MAGI2: variants seen among roughly 807,000 people sequenced by gnomAD.
MAGI2 encodes membrane-associated guanylate kinase, WW and PDZ domain-containing protein 2.
Under a neutral mutation model 133.3 loss-of-function variants are expected in MAGI2, and 35 were observed. That is an observed-to-expected ratio of 0.26 (90% CI 0.20 to 0.35). MAGI2 has a LOEUF of 0.35. Ranked by LOEUF, MAGI2 falls within the 10% of genes least tolerant of loss-of-function variation. The probability of loss-of-function intolerance (pLI) is 1.00; values close to 1 mark genes in which losing one functional copy is unlikely to be tolerated. For missense variants in MAGI2, 1,636 were observed against 1,863.4 expected (o/e 0.88, Z 2.25); for synonymous variants, 729 against 710.6 (o/e 1.03, Z -0.41).
intron 15 of MAGI2, among the ~76,000 whole-genome samples, chr7:78,161,845 T>C (rs2150616619): frequency 6.6e-6 from 1 of 152,302 alleles, no homozygotes; most frequent in Non-Finnish European, 1.5e-5. Flanking sequence ...ATCTAATTAA[T>C]CACGTTTAAA....
chr7:78,980,720 T>C (rs1007347730), intron 2 of MAGI2, among the ~76,000 whole-genome samples: 2 of 151,938 alleles, frequency 1.3e-5, no homozygotes, highest in African/African-American at 4.8e-5. Flanking sequence ...CTCACATATC[T>C]TGCAAACCAC....
intron 3 of MAGI2, among the ~76,000 whole-genome samples, chr7:78,569,733 G>C (rs2150763731): frequency 6.6e-6 from 1 of 152,024 alleles, no homozygotes; most frequent in East Asian, 1.9e-4. Flanking sequence ...TTTCACAAAG[G>C]AAACACCCAC....
intron 2 of MAGI2, among the ~76,000 whole-genome samples, chr7:78,961,625 G>A (rs1584511316): frequency 6.6e-6 from 1 of 152,168 alleles, no homozygotes; most frequent in South Asian, 2.1e-4. Context: ...TGTAATGCCA[G>A]CTGAATTTTT....
intron 2 of MAGI2, among the ~76,000 whole-genome samples, chr7:78,932,953 T>C (rs1800246169): frequency 6.6e-6 from 1 of 152,144 alleles, no homozygotes; most frequent in African/African-American, 2.4e-5. Context: ...TGCTGGGATA[T>C]GCTAATGCGG....
chr7:78,848,515 A>G (rs1309450610), intron 2 of MAGI2, among the ~76,000 whole-genome samples: 1 of 151,970 alleles, frequency 6.6e-6, no homozygotes, highest in Non-Finnish European at 1.5e-5. Flanking sequence ...TTCTCTGAAA[A>G]CCTGAAAGGG....
intron 2 of MAGI2, among the ~76,000 whole-genome samples, chr7:78,673,423 CAAGTACCAAGT>C (rs1176724928): frequency 4.6e-5 from 7 of 151,798 alleles, no homozygotes; most frequent in Admixed American, 3.3e-4. Flanking sequence ...CCAGGACAGC[CAAGTACCAAGT>C]ACTTGGTCAC....
intron 2 of MAGI2, among the ~76,000 whole-genome samples, chr7:78,922,040 G>A (rs955128844): frequency 1.3e-5 from 2 of 152,000 alleles, no homozygotes; most frequent in Non-Finnish European, 2.9e-5. Flanking sequence ...TCCTACGTTA[G>A]ACTGAGATTA....
intron 2 of MAGI2, among the ~76,000 whole-genome samples, chr7:78,880,107 C>G (rs1795733836): frequency 6.7e-6 from 1 of 149,272 alleles, no homozygotes; most frequent in Non-Finnish European, 1.5e-5. Flanking sequence ...ACTGGCATTC[C>G]TGAAAGAGAA....
intron 20 of MAGI2, among the ~76,000 whole-genome samples, chr7:78,125,456 T>C (rs900115997): frequency 6.6e-6 from 1 of 152,226 alleles, no homozygotes; most frequent in African/African-American, 2.4e-5. Context: ...ATTTGCTCTT[T>C]AGAAAAATAG....
intron 2 of MAGI2, among the ~76,000 whole-genome samples, chr7:78,755,054 G>T (rs566430148): frequency 6.6e-6 from 1 of 152,216 alleles, no homozygotes; most frequent in East Asian, 1.9e-4. Flanking sequence ...TTCAACCTTT[G>T]CAGGCCAAAG....
rs118007918 is a variant in MAGI2, at chr7:78,234,248, G to A, written c.2047+21695C>T. ...AGATTTTTAGTGGAAGTATCACTTT[G>A]GTGCAACATTTTCCAATCTACTAGC... On this transcript the variant is annotated intron_variant, in intron 10 of 21. Transcript: ENST00000354212. Among the ~76,000 whole-genome samples, 536 of 152,160 alleles carry A rather than the reference G, an allele frequency of 3.5e-3. 2 individuals carry two copies. Among genetic ancestry groups the A allele is most frequent in the Non-Finnish European group, 5.7e-3 (387 of 67,996 alleles).
chr7:78,244,185 A>G (rs912414193), intron 10 of MAGI2, among the ~76,000 whole-genome samples: 13 of 149,400 alleles, frequency 8.7e-5, no homozygotes, highest in Admixed American at 2.0e-4. Flanking sequence ...AAAAAAAAAA[A>G]AAAAAAAAGA....
At chr7:78,565,283 G>A (rs761769975) in intron 3 of MAGI2, among the ~76,000 whole-genome samples, 46 of 151,766 alleles carry the variant, frequency 3.0e-4, no homozygotes, top group Admixed American at 1.4e-3. Flanking sequence ...GCAAAATAGC[G>A]AGACCCTGTG....
At chr7:78,303,176 G>A (rs1406433040) in intron 9 of MAGI2, among the ~76,000 whole-genome samples, 3 of 151,900 alleles carry the variant, frequency 2.0e-5, no homozygotes, top group African/African-American at 4.8e-5. Context: ...TCAAGAGTTC[G>A]AGACCAGCCT....
intron 2 of MAGI2, among the ~76,000 whole-genome samples, chr7:78,782,509 T>G (rs944556701): frequency 9.2e-5 from 14 of 152,134 alleles, no homozygotes; most frequent in African/African-American, 3.4e-4. Flanking sequence ...AATGCAGATT[T>G]AGGGATCCCC....
chr7:79,328,874 T>G (rs1839878502), intron 1 of MAGI2, among the ~76,000 whole-genome samples: 2 of 152,174 alleles, frequency 1.3e-5, no homozygotes. Context: ...TCTCTGTAAA[T>G]GGAAAAGCAG....
At chr7:78,129,404 G>C (rs906610947) in intron 18 of MAGI2, among the ~76,000 whole-genome samples, 12 of 152,158 alleles carry the variant, frequency 7.9e-5, no homozygotes, top group Admixed American at 6.5e-4. Flanking sequence ...ATGTTGCTTT[G>C]AATGTGTGAA....
At chr7:78,401,957 T>C (rs973752183) in intron 6 of MAGI2, among the ~76,000 whole-genome samples, 1 of 151,986 alleles carries the variant, frequency 6.6e-6, no homozygotes, top group Non-Finnish European at 1.5e-5. Context: ...TTTCTACTTG[T>C]CTTGTTGAGT....
chr7:78,339,525 A>G (rs1385597210), intron 9 of MAGI2, among the ~76,000 whole-genome samples: 2 of 152,266 alleles, frequency 1.3e-5, no homozygotes, highest in Admixed American at 1.3e-4. Flanking sequence ...TAGTGGAAAG[A>G]AAAATAACTA....
Sources: allele counts gnomAD v4.1 joint callset (sites outside exome capture counted in the v4.1 genomes callset), GRCh38; gene constraint gnomAD v4.1.1; transcripts MANE v1.5; gene names NCBI Gene and HGNC (gene_info 2026-07-23, HGNC 2026-07-21).